Variants in ANAPC7 observed in about 807,000 individuals in gnomAD.
The protein encoded by ANAPC7 is anaphase-promoting complex subunit 7.
A neutral mutation model predicts 63.3 loss-of-function variants in ANAPC7; 25 were observed. That is an observed-to-expected ratio of 0.39 (90% CI 0.29 to 0.55). ANAPC7 has a LOEUF of 0.55. Among genes scored for constraint, ANAPC7 ranks in the 20% least tolerant of loss-of-function variants. The probability of loss-of-function intolerance (pLI) is 0.57; values close to 1 mark genes in which losing one functional copy is unlikely to be tolerated. For synonymous variants in ANAPC7, 241 were observed against 251.7 expected (o/e 0.96, Z 0.40); for missense variants, 516 against 691.7 (o/e 0.75, Z 2.85).
chr12:110,398,864 G>C (rs2062180637), intron 1 of ANAPC7, among the ~76,000 whole-genome samples: 1 of 151,820 alleles, frequency 6.6e-6, no homozygotes, highest in Admixed American at 6.6e-5. Context: ...AGAATCACTT[G>C]AATCTGGGAG....
intron 8 of ANAPC7, among the ~76,000 whole-genome samples, chr12:110,379,444 T>C (rs758547384): frequency 3.9e-5 from 6 of 152,294 alleles, no homozygotes; most frequent in Middle Eastern, 3.4e-3. Context: ...CCAAATATTA[T>C]AGGACGGACT....
At position 110,381,951 on chromosome 12, in the gene ANAPC7, G is replaced by GGAGA. The variant is rs759361572; in HGVS notation, c.936-7_936-4dup. 1 of 748,678 alleles carries GGAGA rather than the reference G, an allele frequency of 1.3e-6. No individual in the cohort carries two copies. The allele number at this position is 748,678 out of a possible 1,614,324, so 46.4% of individuals were successfully genotyped here. A position where few individuals can be genotyped will look rare whatever the true frequency, so the allele number is the denominator to read the frequency against. ...GTTTGCTATAGAAGCTGTGACAGCT[G>GGAGA]GAGAAAAAAAAAAAAAAAAAAACAC... On this transcript the variant is annotated splice_polypyrimidine_tract_variant and splice_region_variant and intron_variant, in intron 7 of 10. Transcript: ENST00000455511.
At chr12:110,394,019 A>G (rs1284940001) in intron 3 of ANAPC7, among the ~76,000 whole-genome samples, 1 of 147,892 alleles carries the variant, frequency 6.8e-6, no homozygotes, top group African/African-American at 2.5e-5. Flanking sequence ...AAAAATACAA[A>G]AAAAAAATTA....
At chr12:110,380,448 C>T (rs535944189) in intron 8 of ANAPC7, among the ~76,000 whole-genome samples, 59 of 150,798 alleles carry the variant, frequency 3.9e-4, no homozygotes, top group Non-Finnish European at 5.8e-4. Flanking sequence ...GTCAGGAGTT[C>T]GAGACCAGCC....
In ANAPC7 at chr12:110,388,705, A is replaced by T. The variant is rs1332739556; in HGVS notation, c.409-82T>A. On this transcript the variant is annotated intron_variant, in intron 3 of 10. Coordinates refer to ENST00000455511, the MANE Select transcript of ANAPC7 (RefSeq NM_016238.3). ...TCACCATGAAAAAGTCCTAATTTTC[A>T]TTACCAGTTATTTACTTTTTACTGG... 8.0e-6 allele frequency: 8 copies of T among 1,002,346 alleles called. No homozygotes were observed. In the African/African-American group the frequency reaches 1.3e-4, roughly 16 times the overall value. 62.1% of individuals were successfully genotyped at this position (1,002,346 alleles called of 1,614,324 possible). A position where few individuals can be genotyped will look rare whatever the true frequency, so the allele number is the denominator to read the frequency against.
chr12:110,377,758 C>T (rs1342205789), intron 8 of ANAPC7, 141 bp from the exon 9 acceptor site: 1 of 1,486,424 alleles, frequency 6.7e-7, no homozygotes, highest in Non-Finnish European at 8.9e-7. Context: ...TGAGATTAGA[C>T]TGGCAAGAGT....
In ANAPC7 at chr12:110,380,930, T is replaced by A. The variant is rs1337636838; in HGVS notation, c.1132+822A>T. Among the ~76,000 whole-genome samples, 142 of 151,352 alleles carry A rather than the reference T, an allele frequency of 9.4e-4. 4 individuals are homozygous for A. The highest frequency in any genetic ancestry group is 9.4e-3 in the Admixed American group (142 of 15,170). On this transcript the variant is annotated intron_variant, in intron 8 of 10. Coordinates refer to ENST00000455511, the MANE Select transcript of ANAPC7 (RefSeq NM_016238.3). ...TCCAGCCTGGGCAACAAAGCGAGAC[T>A]CTGTCTCAAAAAAAAGAGGAGTAAG...
intron 6 of ANAPC7, among the ~76,000 whole-genome samples, chr12:110,383,665 G>A (rs1262508238): frequency 1.3e-5 from 2 of 151,692 alleles, no homozygotes; most frequent in Non-Finnish European, 2.9e-5. Flanking sequence ...GGCAGATCAC[G>A]AGGTCAGGAG....
At position 110,373,698 on chromosome 12, in the gene ANAPC7, T is replaced by C. The variant is rs909830771; in HGVS notation, c.*446A>G. ...GGGACATCTGGATAGCCCAGGACAATGACTTCTGGGAACAGGAAGCTCCCT... is the reference window on the plus strand; with the variant it reads ...GGGACATCTGGATAGCCCAGGACAACGACTTCTGGGAACAGGAAGCTCCCT... On this transcript the variant is annotated 3_prime_UTR_variant, in exon 11 of 11. Coordinates refer to ENST00000455511, the MANE Select transcript of ANAPC7 (RefSeq NM_016238.3). 1.9e-5 allele frequency: 3 copies of C among 157,844 alleles called. No individual in the cohort carries two copies. Among genetic ancestry groups the C allele is most frequent in the African/African-American group, 4.8e-5 (2 of 41,702 alleles). The allele number at this position is 157,844 out of a possible 1,614,324, so 9.8% of individuals were successfully genotyped here.
chr12:110,383,875 C>CAAAAA (rs1159374781), intron 6 of ANAPC7, among the ~76,000 whole-genome samples: 9 of 50,670 alleles, frequency 1.8e-4, no homozygotes, highest in African/African-American at 3.4e-4. Context: ...GACTCCGTCT[C>CAAAAA]AAAAAAAAAA....
intron 1 of ANAPC7, among the ~76,000 whole-genome samples, chr12:110,399,517 T>C (rs1380524803): frequency 6.6e-6 from 1 of 151,404 alleles, no homozygotes; most frequent in Non-Finnish European, 1.5e-5. Flanking sequence ...GAAGGGACAA[T>C]TGGAGAGTGA....
chr12:110,377,367 C>G (rs1881385237), intron 9 of ANAPC7, 26 bp downstream of exon 9: 5 of 1,593,716 alleles, frequency 3.1e-6, no homozygotes, highest in Non-Finnish European at 4.3e-6. Context: ...TAATGATGAA[C>G]AGGACAGAAA....
Position 110,403,556 on chromosome 12 carries a change from G to A in ANAPC7, c.72C>T (p.Ser24=). The change falls in exon 1 of 11, where the codon AGC becomes AGT. Residue 24 remains serine (S), a synonymous_variant. Coordinates refer to ENST00000455511, the MANE Select transcript of ANAPC7 (RefSeq NM_016238.3). ...TGTTATTACTCATTGTAAGTAACAAGCTGCTGAGGAGCCGCACGTTGGAGT... is the reference window on the plus strand; with the variant it reads ...TGTTATTACTCATTGTAAGTAACAAACTGCTGAGGAGCCGCACGTTGGAGT... ...GLHSNVRLLS[S]LLLTMSNNNP... The A allele has an allele frequency of 6.2e-7, 1 of 1,607,134 alleles. No individual in the cohort carries two copies. The highest frequency in any genetic ancestry group is 8.5e-7 in the Non-Finnish European group (1 of 1,177,436).
Position 110,403,580 on chromosome 12 carries a change from G to A in ANAPC7, c.48C>T (p.His16=). The A allele has an allele frequency of 6.2e-7, 1 of 1,609,126 alleles. No homozygotes were observed. The highest frequency in any genetic ancestry group is 8.5e-7 in the Non-Finnish European group (1 of 1,178,294). The change falls in exon 1 of 11, where the codon CAC becomes CAT. Residue 16 remains histidine, a synonymous_variant. Coordinates refer to ENST00000455511, the MANE Select transcript of ANAPC7 (RefSeq NM_016238.3). ...HVRDMAAAGL[H]SNVRLLSSLL... ...AGCTGCTGAGGAGCCGCACGTTGGAGTGCAGCCCCGCGGCCGCCATGTCCC... is the reference window on the plus strand; with the variant it reads ...AGCTGCTGAGGAGCCGCACGTTGGAATGCAGCCCCGCGGCCGCCATGTCCC...
intron 6 of ANAPC7, among the ~76,000 whole-genome samples, chr12:110,385,050 G>A (rs544723198): frequency 1.6e-4 from 25 of 152,188 alleles, no homozygotes; most frequent in African/African-American, 6.0e-4. Context: ...GATTACCTAA[G>A]GTCAGGAGTT....
At chr12:110,391,230 T>C (rs1329656466) in intron 3 of ANAPC7, among the ~76,000 whole-genome samples, 1 of 152,056 alleles carries the variant, frequency 6.6e-6, no homozygotes. Flanking sequence ...TAAAAATAGA[T>C]ACTCACTTAA....
At chr12:110,384,981 G>C (rs75531218) in intron 6 of ANAPC7, among the ~76,000 whole-genome samples, 15 of 152,188 alleles carry the variant, frequency 9.9e-5, no homozygotes, top group African/African-American at 3.4e-4. Context: ...TCACTGCCTC[G>C]GGCTGGGTGC....
intron 4 of ANAPC7, 151 bp from the exon 5 acceptor site, chr12:110,388,043 CTTTTCT>C: frequency 1.1e-6 from 1 of 873,842 alleles, no homozygotes; most frequent in Non-Finnish European, 1.7e-6. Flanking sequence ...TTTAGTATTT[CTTTTCT>C]TTTTGAGACA....
chr12:110,395,034 GAA>G, intron 3 of ANAPC7, 65 bp downstream of exon 3: 1 of 1,550,844 alleles, frequency 6.4e-7, no homozygotes, highest in Non-Finnish European at 8.7e-7. Context: ...TAATGCATGA[GAA>G]AACATGGAGA....
Sources: gnomAD v4.1 joint callset for allele counts (sites outside exome capture counted in the v4.1 genomes callset) on GRCh38, gnomAD v4.1.1 for gene constraint, MANE v1.5 for transcripts, NCBI Gene and HGNC (gene_info 2026-07-23, HGNC 2026-07-21) for gene names.